The following CSGALNACT1 variants were observed in gnomAD, a reference collection of about 807,000 sequenced individuals.
CSGALNACT1 encodes the protein chondroitin sulfate N-acetylgalactosaminyltransferase 1.
Under a neutral mutation model 51.0 loss-of-function variants are expected in CSGALNACT1, and 52 were observed. The observed-to-expected ratio is 1.02, with a 90% CI of 0.82 to 1.29. CSGALNACT1 has a LOEUF of 1.29. Ranked by LOEUF, CSGALNACT1 falls within the 50% of genes most tolerant of loss-of-function variation. The pLI is 0.00. For missense variants in CSGALNACT1, 935 were observed against 679.2 expected (o/e 1.38, Z -4.19); for synonymous variants, 341 against 254.4 (o/e 1.34, Z -3.24).
intron 3 of CSGALNACT1, among the ~76,000 whole-genome samples, chr8:19,523,800 G>C (rs1299962027): frequency 6.6e-6 from 1 of 152,118 alleles, no homozygotes; most frequent in Non-Finnish European, 1.5e-5. Flanking sequence ...GGCAAGGACA[G>C]TTCTAAAAAC....
chr8:19,665,548 G>A (rs1214793385), intron 1 of CSGALNACT1, among the ~76,000 whole-genome samples: 2 of 152,152 alleles, frequency 1.3e-5, no homozygotes, highest in African/African-American at 4.8e-5. Flanking sequence ...TCTCCCTGAG[G>A]ATGACTCACC....
rs377114347 is a variant in CSGALNACT1, at chr8:19,536,004, T to A, written c.-296-29874A>T. On this transcript the variant is annotated intron_variant, in intron 3 of 9. Transcript: ENST00000454498. ...TGCAAGTGAAGAAAAAGAAAAGGCA[T>A]ACAGATTAGAAAGGAAGAAGTAAAA... Among the ~76,000 whole-genome samples the A allele has an allele frequency of 1.7e-4, 26 of 152,076 alleles. 1 individual carries two copies. Among genetic ancestry groups the A allele is most frequent in the African/African-American group, 5.1e-4 (21 of 41,414 alleles).
intron 1 of CSGALNACT1, among the ~76,000 whole-genome samples, chr8:19,627,508 TACACAC>T (rs1340597722): frequency 1.3e-5 from 2 of 151,880 alleles, no homozygotes; most frequent in African/African-American, 4.8e-5. Context: ...CATAAAACTA[TACACAC>T]ACACAAACAC....
upstream of CSGALNACT1, among the ~76,000 whole-genome samples, chr8:19,606,833 C>A (rs1216160042): frequency 6.6e-6 from 1 of 151,966 alleles, no homozygotes; most frequent in Admixed American, 6.6e-5. Context: ...TAAAGGATAC[C>A]CAATATTATT....
chr8:19,537,998 G>A (rs906819817), intron 3 of CSGALNACT1, among the ~76,000 whole-genome samples: 1 of 152,154 alleles, frequency 6.6e-6, no homozygotes, highest in South Asian at 2.1e-4. Flanking sequence ...TCTAACAAAG[G>A]ACTAGCACCA....
intron 6 of CSGALNACT1, among the ~76,000 whole-genome samples, chr8:19,434,730 C>T (rs954035099): frequency 6.6e-6 from 1 of 152,124 alleles, no homozygotes; most frequent in African/African-American, 2.4e-5. Context: ...GTGCTACTCC[C>T]TGTCCCTGTT....
intron 4 of CSGALNACT1, 119 bp downstream of exon 3, chr8:19,505,082 A>G: frequency 2.7e-6 from 3 of 1,107,246 alleles, no homozygotes; most frequent in Non-Finnish European, 4.1e-6. Flanking sequence ...ACACACATAA[A>G]ACTTTCCGCC....
At chr8:19,611,426 G>C (rs868406644) in intron 1 of CSGALNACT1, among the ~76,000 whole-genome samples, 4 of 152,026 alleles carry the variant, frequency 2.6e-5, no homozygotes, top group Middle Eastern at 3.2e-3. Flanking sequence ...GCATTTATTG[G>C]GCACTTGCTG....
chr8:19,710,763 C>T (rs1564457299), intron 1 of CSGALNACT1, among the ~76,000 whole-genome samples: 1 of 152,104 alleles, frequency 6.6e-6, no homozygotes, highest in Non-Finnish European at 1.5e-5. Flanking sequence ...TACTGTTTGC[C>T]AGTTTCAGAG....
rs752277554 is a variant in CSGALNACT1 at position 19,530,305 on chromosome 8, T to TAC, written c.-296-24177_-296-24176dup. 4.2e-4 allele frequency among the ~76,000 whole-genome samples: 62 copies of TAC among 149,228 alleles called. No homozygotes were observed. In the East Asian group the frequency reaches 7.9e-3, roughly 19 times the overall value. ...AATCCATTCAATATCCATGAATGTG[T>TAC]ACACATACACACACACACACACACA... is the stretch of plus-strand genomic sequence containing the variant. On this transcript the variant is annotated intron_variant, in intron 3 of 9. Transcript: ENST00000454498.
chr8:19,550,859 A>G (rs867235897), intron 3 of CSGALNACT1, among the ~76,000 whole-genome samples: 2 of 152,084 alleles, frequency 1.3e-5, no homozygotes, highest in South Asian at 2.1e-4. Context: ...GAAAACTCCT[A>G]TTTTCTCTAG....
intron 1 of CSGALNACT1, among the ~76,000 whole-genome samples, chr8:19,629,702 A>G (rs2054948386): frequency 6.6e-6 from 1 of 152,220 alleles, no homozygotes; most frequent in Admixed American, 6.5e-5. Flanking sequence ...AAAAGTACCT[A>G]TGCCTCAAAA....
At chr8:19,731,304 T>C (rs2063679831) in intron 1 of CSGALNACT1, among the ~76,000 whole-genome samples, 1 of 152,056 alleles carries the variant, frequency 6.6e-6, no homozygotes, top group Non-Finnish European at 1.5e-5. Flanking sequence ...GGTCAGGAGT[T>C]CGAGGCCAGC....
intron 3 of CSGALNACT1, among the ~76,000 whole-genome samples, chr8:19,586,532 C>G (rs114727038): frequency 0.032 from 4,939 of 152,106 alleles, 281 homozygotes; most frequent in African/African-American, 0.11. Context: ...GGCACCACCC[C>G]AGACACACAG....
chr8:19,443,653 C>A (rs544599719), intron 5 of CSGALNACT1, among the ~76,000 whole-genome samples: 73 of 152,282 alleles, frequency 4.8e-4, no homozygotes, highest in African/African-American at 1.7e-3. Flanking sequence ...AAACTGCACT[C>A]GTGATTCAAT....
chr8:19,418,784 G>T, intron 7 of CSGALNACT1, 34 bp from the exon 7 acceptor site: 2 of 1,435,704 alleles, frequency 1.4e-6, no homozygotes, highest in Non-Finnish European at 2.0e-6. Flanking sequence ...CACTTAAAGT[G>T]ACAGATCCAA....
intron 4 of CSGALNACT1, among the ~76,000 whole-genome samples, chr8:19,461,375 T>G (rs2065311441): frequency 6.6e-6 from 1 of 150,502 alleles, no homozygotes; most frequent in African/African-American, 2.4e-5. Context: ...CCAAATGAGG[T>G]GGGGCTGAGT....
intron 1 of CSGALNACT1, among the ~76,000 whole-genome samples, chr8:19,619,672 C>A (rs916485693): frequency 1.3e-5 from 2 of 152,168 alleles, no homozygotes; most frequent in East Asian, 1.9e-4. Flanking sequence ...CAAAATTTAA[C>A]TTTCTTCTTG....
chr8:19,568,638 A>G (rs6993026), intron 3 of CSGALNACT1, among the ~76,000 whole-genome samples: 31,327 of 152,184 alleles, frequency 0.21, 5,817 homozygotes, highest in African/African-American at 0.5. Context: ...TGGAATCTAA[A>G]GTCTAAAGTG....
Sources: allele counts gnomAD v4.1 joint callset (sites outside exome capture counted in the v4.1 genomes callset), GRCh38; gene constraint gnomAD v4.1.1; transcripts MANE v1.5; gene names NCBI Gene and HGNC (gene_info 2026-07-23, HGNC 2026-07-21).